ZFYVE16: variants seen among roughly 807,000 people sequenced by gnomAD.
ZFYVE16 encodes the protein zinc finger FYVE-type containing 16.
ZFYVE16 carries 89 observed loss-of-function variants against 138.1 expected under a neutral mutation model. That is an observed-to-expected ratio of 0.64 (90% CI 0.54 to 0.77). The LOEUF (loss-of-function observed/expected upper bound fraction) is 0.77. ZFYVE16 is among the 30% of genes least tolerant of loss of function. The pLI is 0.00. For synonymous variants in ZFYVE16, 596 were observed against 618.3 expected (o/e 0.96, Z 0.53); for missense variants, 1,793 against 1,786.7 (o/e 1.00, Z -0.06).
At chr5:80,474,230 A>T (rs897932051) in intron 17 of ZFYVE16, among the ~76,000 whole-genome samples, 3 of 151,876 alleles carry the variant, frequency 2.0e-5, no homozygotes, top group Non-Finnish European at 4.4e-5. Context: ...GTTTTTTTTT[A>T]AATTAGAGGA....
At chr5:80,455,873 C>A in intron 12 of ZFYVE16, 99 bp downstream of exon 12, 1 of 1,047,988 alleles carries the variant, frequency 9.5e-7, no homozygotes, top group South Asian at 1.6e-5. Flanking sequence ...TTTAATTTGC[C>A]ATATTTGGTA....
At chr5:80,414,344 T>C (rs547303220) in intron 1 of ZFYVE16, among the ~76,000 whole-genome samples, 1 of 152,288 alleles carries the variant, frequency 6.6e-6, no homozygotes, top group South Asian at 2.1e-4. Flanking sequence ...GGACTGCCCT[T>C]TTACAGTCAT....
intron 5 of ZFYVE16, chr5:80,441,513 T>C: frequency 1.0e-6 from 1 of 985,358 alleles, no homozygotes; most frequent in Non-Finnish European, 1.2e-6. Context: ...AGCTTTAGGG[T>C]TGAAAATAAT....
chr5:80,425,625 G>A lies in ZFYVE16; in HGVS notation c.-93-1867G>A, dbSNP rs1334400846. ...GCAGTTTGAGGAATGTTGCTGTACAGTGTTTCACCTTCCAGGATTAGCTTA... is the reference window on the plus strand; with the variant it reads ...GCAGTTTGAGGAATGTTGCTGTACAATGTTTCACCTTCCAGGATTAGCTTA... On this transcript the variant is annotated intron_variant, in intron 1 of 18. Transcript: ENST00000505560. Among the ~76,000 whole-genome samples the A allele has an allele frequency of 3.3e-5, 5 of 152,320 alleles. No homozygotes were observed. The East Asian group carries it at 9.6e-4, about 29-fold the overall frequency.
At chr5:80,446,688 GTAATT>G in intron 7 of ZFYVE16, among the ~76,000 whole-genome samples, 1 of 152,054 alleles carries the variant, frequency 6.6e-6, no homozygotes, top group Non-Finnish European at 1.5e-5. Flanking sequence ...CTGAGATTTA[GTAATT>G]TAATTTATAC....
At chr5:80,419,904 CG>C (rs2112205231) in intron 1 of ZFYVE16, among the ~76,000 whole-genome samples, 1 of 151,698 alleles carries the variant, frequency 6.6e-6, no homozygotes, top group South Asian at 2.1e-4. Flanking sequence ...ATCCGCCTCC[CG>C]GGTTCAAGCG....
rs532346055 is a variant in ZFYVE16, at chr5:80,473,838, G to A, written c.4272G>A (p.Glu1424=). Residue 1424 remains glutamate, a synonymous_variant, in exon 17 of 19, where the codon GAG becomes GAA. Coordinates refer to ENST00000505560, the MANE Select transcript of ZFYVE16 (RefSeq NM_001284236.3). ...TGGAAGCAGATTTTGAAACCGATGA[G>A]AAGATTGTAAAATGTACCGAGGTAA... ...IKLEADFETD[E]KIVKCTEVFY... is the part of the protein sequence containing the mutation. The A allele has an allele frequency of 2.7e-5, 43 of 1,613,016 alleles. No individual in the cohort carries two copies. The Admixed American group carries it at 3.0e-4, about 11-fold the overall frequency.
At chr5:80,428,568 C>T (rs535123222) in intron 2 of ZFYVE16, among the ~76,000 whole-genome samples, 8 of 152,316 alleles carry the variant, frequency 5.3e-5, no homozygotes, top group African/African-American at 9.6e-5. Context: ...CCCAAAGGAA[C>T]GCAGTTCCTC....
chr5:80,438,589 C>T lies in ZFYVE16; in HGVS notation c.1904C>T (p.Ser635Leu), dbSNP rs1750274766. The change falls in exon 4 of 19, where the codon TCG becomes TTG. Residue 635 changes from serine (S) to leucine (L), a missense_variant. Physicochemically the swap from Ser to Leu is moderately radical, Grantham distance 145. Transcript: ENST00000505560. Reference protein sequence around the residue: ...TSKSEITNQLSVSDINSQSVG... With the variant: ...TSKSEITNQLLVSDINSQSVG... ...AAGTCTGAGATTACAAATCAATTAT[C>T]GGTCTCTGATATTAACAGTCAATCT... The T allele has an allele frequency of 1.2e-6, 2 of 1,613,964 alleles. No homozygotes were observed. The highest frequency in any genetic ancestry group is 1.3e-5 in the African/African-American group (1 of 74,918).
intron 1 of ZFYVE16, among the ~76,000 whole-genome samples, chr5:80,412,239 A>G (rs907486648): frequency 6.6e-6 from 1 of 152,000 alleles, no homozygotes; most frequent in African/African-American, 2.4e-5. Context: ...GTTACTGCCA[A>G]TTTTTGTAAT....
In ZFYVE16 at chr5:80,473,141, G is replaced by A. The variant is rs538452391; in HGVS notation, c.4187+218G>A. Among the ~76,000 whole-genome samples the A allele has an allele frequency of 8.5e-5, 13 of 152,300 alleles. No homozygotes were observed. The East Asian group carries it at 2.5e-3, about 29-fold the overall frequency. Reference sequence around the variant, plus strand: ...TTTTGGGCCAGGATGGTCCATTTGAGAGGGGCTTGATGATGACACATCTGT... The same window carrying A: ...TTTTGGGCCAGGATGGTCCATTTGAAAGGGGCTTGATGATGACACATCTGT... On this transcript the variant is annotated intron_variant, in intron 16 of 18. Transcript: ENST00000505560.
chr5:80,449,201 C>A (rs1362030319), intron 8 of ZFYVE16, among the ~76,000 whole-genome samples: 3 of 151,874 alleles, frequency 2.0e-5, no homozygotes, highest in Non-Finnish European at 4.4e-5. Flanking sequence ...CATGTGGTAA[C>A]AAGCAGCATA....
chr5:80,473,245 A>G (rs1024167500), intron 16 of ZFYVE16, among the ~76,000 whole-genome samples: 1 of 152,218 alleles, frequency 6.6e-6, no homozygotes, highest in Non-Finnish European at 1.5e-5. Flanking sequence ...TTTTTGTCAC[A>G]TAAGTAAAAG....
intron 1 of ZFYVE16, among the ~76,000 whole-genome samples, chr5:80,425,551 A>G (rs1029162421): frequency 6.6e-6 from 1 of 152,210 alleles, no homozygotes; most frequent in Non-Finnish European, 1.5e-5. Context: ...ATTTTTAAAA[A>G]GTAAGAGTTT....
At chr5:80,413,172 T>C (rs1580066945) in intron 1 of ZFYVE16, among the ~76,000 whole-genome samples, 1 of 144,698 alleles carries the variant, frequency 6.9e-6, no homozygotes, top group African/African-American at 2.6e-5. Context: ...TGAGACCCTG[T>C]CTCAAAAAAG....
At chr5:80,466,294 C>A (rs1753748005) in intron 15 of ZFYVE16, among the ~76,000 whole-genome samples, 1 of 152,042 alleles carries the variant, frequency 6.6e-6, no homozygotes, top group Admixed American at 6.6e-5. Flanking sequence ...CTTCTTTTTT[C>A]TTTCTGTTCA....
At chr5:80,475,865 C>T (rs113706187) in intron 18 of ZFYVE16, among the ~76,000 whole-genome samples, 1,661 of 152,228 alleles carry the variant, frequency 0.011, 32 homozygotes, top group African/African-American at 0.037. Context: ...AGTATATACG[C>T]AATAGATATT....
chr5:80,411,574 G>C (rs967371394), intron 1 of ZFYVE16: 3 of 152,102 alleles, frequency 2.0e-5, no homozygotes, highest in Admixed American at 1.3e-4. Context: ...AGTGGTTTTA[G>C]GAACATGAGT....
chr5:80,431,232 T>C (rs539267063), intron 2 of ZFYVE16, among the ~76,000 whole-genome samples: 118 of 152,270 alleles, frequency 7.7e-4, no homozygotes, highest in African/African-American at 2.7e-3. Flanking sequence ...TCAAAAAGCT[T>C]ATCCACCGTG....
Sources: allele counts gnomAD v4.1 joint callset (sites outside exome capture counted in the v4.1 genomes callset), GRCh38; gene constraint gnomAD v4.1.1; transcripts MANE v1.5; gene names NCBI Gene and HGNC (gene_info 2026-07-23, HGNC 2026-07-21).